The following NSUN6 variants were observed in gnomAD, a reference collection of about 807,000 sequenced individuals.
NSUN6 encodes the protein NOP2/Sun RNA methyltransferase 6, also known as tRNA (cytosine(72)-C(5))-methyltransferase NSUN6.
A neutral mutation model predicts 58.0 loss-of-function variants in NSUN6; 64 were observed. That is an observed-to-expected ratio of 1.10 (90% CI 0.90 to 1.36). NSUN6 has a LOEUF of 1.36. Ranked by LOEUF, NSUN6 falls within the 40% of genes most tolerant of loss-of-function variation. NSUN6 has a pLI of 0.00. For synonymous variants in NSUN6, 231 were observed against 193.9 expected (o/e 1.19, Z -1.59); for missense variants, 701 against 550.1 (o/e 1.27, Z -2.74).
At position 18,551,989 on chromosome 10, in the gene NSUN6, A is replaced by T. The variant is rs1276204862; in HGVS notation, c.923-18T>A. On this transcript the variant is annotated intron_variant, in intron 8 of 10. Transcript: ENST00000377304. ...AGGTTCTCCTATAAAGAGAATTATA[A>T]TCATGTTTACTATCTTCCATATAGG... The T allele has an allele frequency of 3.9e-6, 6 of 1,542,942 alleles. No individual in the cohort carries two copies. Among genetic ancestry groups the T allele is most frequent in the Non-Finnish European group, 5.4e-6 (6 of 1,120,602 alleles).
chr10:18,619,100 T>C (rs1475306954), intron 3 of NSUN6, among the ~76,000 whole-genome samples: 3 of 152,196 alleles, frequency 2.0e-5, no homozygotes, highest in South Asian at 2.1e-4. Context: ...GCTTATTATA[T>C]ATGCTGATTC....
Position 18,578,695 on chromosome 10 carries a change from T to C in NSUN6, c.922+7254A>G, listed in dbSNP as rs556618648. Among the ~76,000 whole-genome samples the C allele has an allele frequency of 4.6e-5, 7 of 152,328 alleles. No individual in the cohort carries two copies. The South Asian group carries it at 1.0e-3, about 23-fold the overall frequency. ...ACCTTCTGGTTGTCTTTTAATCCTG[T>C]GGCCAGCTGAATTCCAGTAAAACAC... is the stretch of plus-strand genomic sequence containing the variant. On this transcript the variant is annotated intron_variant, in intron 8 of 10. Transcript: ENST00000377304.
At chr10:18,657,160 C>T (rs566578931), upstream of NSUN6, among the ~76,000 whole-genome samples, 4 of 151,998 alleles carry the variant, frequency 2.6e-5, no homozygotes, top group African/African-American at 4.8e-5. Context: ...TCTAACAGAT[C>T]GATAGGTACA....
intron 1 of NSUN6, 32 bp from the exon 2 acceptor site, chr10:18,648,677 G>C (rs1374952895): frequency 1.5e-6 from 2 of 1,367,154 alleles, no homozygotes; most frequent in Admixed American, 1.8e-5. Flanking sequence ...AATTTCCTGA[G>C]AATTAAAAAC....
intron 8 of NSUN6, among the ~76,000 whole-genome samples, chr10:18,581,660 A>T (rs2056909615): frequency 6.6e-6 from 1 of 152,098 alleles, no homozygotes; most frequent in African/African-American, 2.4e-5. Context: ...CCCCGTCTCC[A>T]CTGAAAATAC....
At chr10:18,607,133 C>A (rs1374960518) in intron 6 of NSUN6, among the ~76,000 whole-genome samples, 2 of 152,160 alleles carry the variant, frequency 1.3e-5, no homozygotes, top group African/African-American at 2.4e-5. Flanking sequence ...TTAGATGATG[C>A]CTCTCACATG....
chr10:18,655,533 G>T (rs1358230900), upstream of NSUN6, among the ~76,000 whole-genome samples: 2 of 152,164 alleles, frequency 1.3e-5, no homozygotes, highest in South Asian at 2.1e-4. Flanking sequence ...TGTGAGGAAA[G>T]AACTAAAGTG....
intron 8 of NSUN6, among the ~76,000 whole-genome samples, chr10:18,568,028 T>C (rs2056093466): frequency 1.3e-5 from 2 of 150,670 alleles, no homozygotes; most frequent in South Asian, 4.2e-4. Context: ...TGCCATTCTA[T>C]TCTCCATTGC....
At chr10:18,552,062 C>T in intron 8 of NSUN6, 91 bp from the exon 9 acceptor site, 1 of 756,554 alleles carries the variant, frequency 1.3e-6, no homozygotes, top group Non-Finnish European at 2.1e-6. Context: ...AAATCATAAT[C>T]TAGAATAAAA....
Position 18,545,753 on chromosome 10 carries a change from C to A in NSUN6, c.*180G>T. On this transcript the variant is annotated 3_prime_UTR_variant, in exon 11 of 11. Transcript: ENST00000377304. ...ATCTTTTAAAAACAGAAAATATAATCTCATACCACCCCCTACTTCCTCTAT... is the reference window on the plus strand; with the variant it reads ...ATCTTTTAAAAACAGAAAATATAATATCATACCACCCCCTACTTCCTCTAT... 1 of 552,992 alleles carries A rather than the reference C, an allele frequency of 1.8e-6. No homozygotes were observed. Among genetic ancestry groups the A allele is most frequent in the Non-Finnish European group, 3.1e-6 (1 of 320,482 alleles). 34.3% of individuals were successfully genotyped at this position (552,992 alleles called of 1,614,324 possible). A position where few individuals can be genotyped will look rare whatever the true frequency, so the allele number is the denominator to read the frequency against.
At chr10:18,606,780 C>A (rs1232453475) in intron 6 of NSUN6, among the ~76,000 whole-genome samples, 3 of 152,062 alleles carry the variant, frequency 2.0e-5, no homozygotes, top group Admixed American at 2.0e-4. Context: ...AAAAGAAAAT[C>A]CAGGAATAGA....
intron 3 of NSUN6, among the ~76,000 whole-genome samples, chr10:18,627,987 T>C (rs1273365313): frequency 6.6e-6 from 1 of 152,208 alleles, no homozygotes; most frequent in Non-Finnish European, 1.5e-5. Context: ...AGCAGTAACC[T>C]CTGCACACTT....
intron 8 of NSUN6, among the ~76,000 whole-genome samples, chr10:18,557,947 G>A (rs12217191): frequency 6.6e-6 from 1 of 151,458 alleles, no homozygotes; most frequent in African/African-American, 2.4e-5. Context: ...GAGAATGGAA[G>A]GTAATCAAGA....
At chr10:18,575,488 C>T (rs2056603275) in intron 8 of NSUN6, among the ~76,000 whole-genome samples, 1 of 152,126 alleles carries the variant, frequency 6.6e-6, no homozygotes, top group Admixed American at 6.6e-5. Flanking sequence ...CAGGTTTGTA[C>T]TAATAGAGAA....
rs564235194 is a variant in NSUN6, at chr10:18,597,855, T to C, written c.658-1528A>G. Among the ~76,000 whole-genome samples, 6 of 152,306 alleles carry C rather than the reference T, an allele frequency of 3.9e-5. No individual in the cohort carries two copies. The East Asian group carries it at 9.6e-4, about 24-fold the overall frequency. On this transcript the variant is annotated intron_variant, in intron 6 of 10. Coordinates refer to ENST00000377304, the MANE Select transcript of NSUN6 (RefSeq NM_182543.5). ...CTCAAGGGAATCTAAGATCACCACT[T>C]TGAAACAAACTCAGTGGTGAGAAAG... is the stretch of plus-strand genomic sequence containing the variant.
chr10:18,605,285 C>A (rs1200023273), intron 6 of NSUN6, among the ~76,000 whole-genome samples: 3 of 151,004 alleles, frequency 2.0e-5, no homozygotes, highest in African/African-American at 7.3e-5. Flanking sequence ...AAATCTGGGA[C>A]AATTTCAGCA....
At chr10:18,626,586 G>A (rs889270760) in intron 3 of NSUN6, among the ~76,000 whole-genome samples, 4 of 152,126 alleles carry the variant, frequency 2.6e-5, no homozygotes, top group African/African-American at 9.7e-5. Flanking sequence ...TGGCCAACAT[G>A]GTGAAACCCT....
intron 6 of NSUN6, 133 bp from the exon 7 acceptor site, chr10:18,596,460 T>C: frequency 1.7e-6 from 1 of 579,926 alleles, no homozygotes; most frequent in Admixed American, 3.3e-5. Flanking sequence ...ACAATTTTTA[T>C]AAATATACTC....
chr10:18,603,988 C>T (rs2057951223), intron 6 of NSUN6, among the ~76,000 whole-genome samples: 1 of 151,978 alleles, frequency 6.6e-6, no homozygotes, highest in Non-Finnish European at 1.5e-5. Context: ...TCGAGACCAT[C>T]CTGGCCAACA....
Sources: gnomAD v4.1 joint callset for allele counts (sites outside exome capture counted in the v4.1 genomes callset) on GRCh38, gnomAD v4.1.1 for gene constraint, MANE v1.5 for transcripts, NCBI Gene and HGNC (gene_info 2026-07-23, HGNC 2026-07-21) for gene names.